Variants in PHLPP2 observed in about 807,000 individuals in gnomAD.
PHLPP2 encodes the protein PH domain leucine-rich repeat-containing protein phosphatase 2.
Under a neutral mutation model 124.9 loss-of-function variants are expected in PHLPP2, and 66 were observed. That is an observed-to-expected ratio of 0.53 (90% CI 0.43 to 0.65). PHLPP2 has a LOEUF of 0.65. PHLPP2 is among the 30% of genes least tolerant of loss of function. PHLPP2 has a pLI of 0.00. For synonymous variants in PHLPP2, 681 were observed against 624.7 expected (o/e 1.09, Z -1.34); for missense variants, 1,685 against 1,600.4 (o/e 1.05, Z -0.90).
intron 6 of PHLPP2, among the ~76,000 whole-genome samples, chr16:71,680,565 C>T (rs539893702): frequency 6.6e-6 from 1 of 152,262 alleles, no homozygotes; most frequent in South Asian, 2.1e-4. Context: ...TTACTAAGAA[C>T]TTTTTATGAG....
At chr16:71,711,898 T>C (rs2045326719) in intron 2 of PHLPP2, among the ~76,000 whole-genome samples, 1 of 152,244 alleles carries the variant, frequency 6.6e-6, no homozygotes, top group Admixed American at 6.5e-5. Context: ...GAAATAAGCA[T>C]GATTAAATAG....
At chr16:71,678,629 G>T (rs2044969045) in intron 8 of PHLPP2, 126 bp downstream of exon 8, 1 of 638,166 alleles carries the variant, frequency 1.6e-6, no homozygotes, top group Non-Finnish European at 2.8e-6. Context: ...GACAAAGTGA[G>T]ACCTTGTCTC....
In PHLPP2 at chr16:71,714,560, C is replaced by CCAG. The variant is rs767399618; in HGVS notation, c.233_235dup (p.Ala78dup). ...TAAATAAAGACTTTCTCTTCCCTCT[C>CCAG]CAGCACATATTTCTGATGCTGGTGT... is the stretch of plus-strand genomic sequence containing the variant. On this transcript the variant is annotated inframe_insertion, in exon 2 of 19. Transcript: ENST00000568954. 2.4e-5 allele frequency: 38 copies of CCAG among 1,614,048 alleles called. No homozygotes were observed. The highest frequency in any genetic ancestry group is 3.2e-5 in the Non-Finnish European group (38 of 1,179,948).
In PHLPP2 at chr16:71,663,905, G is replaced by A; in HGVS notation, c.1979C>T (p.Pro660Leu). 2.5e-6 allele frequency: 4 copies of A among 1,612,334 alleles called. No individual in the cohort carries two copies. The highest frequency in any genetic ancestry group is 2.2e-5 in the East Asian group (1 of 44,874). ...AAGTTTGCATTCATTTTACCTTGCA[G>A]GAAAGGTCTGTAACTGATTGTTTGC... ...HLANNQLQTF[P>L]ASKLNKLEQL... Residue 660 changes from proline to leucine, a missense_variant, in exon 13 of 19, where the codon CCT becomes CTT. Coordinates refer to ENST00000568954, the MANE Select transcript of PHLPP2 (RefSeq NM_015020.3).
intron 6 of PHLPP2, among the ~76,000 whole-genome samples, chr16:71,679,939 C>T (rs189301472): frequency 2.4e-3 from 372 of 152,066 alleles, no homozygotes; most frequent in African/African-American, 8.4e-3. Context: ...AAAAATTAGC[C>T]GGGCGTGGTG....
intron 18 of PHLPP2, among the ~76,000 whole-genome samples, chr16:71,651,561 A>AT (rs1455930575): frequency 6.6e-6 from 1 of 152,154 alleles, no homozygotes; most frequent in Non-Finnish European, 1.5e-5. Flanking sequence ...ATAACTAAAA[A>AT]TTTAAAACAC....
chr16:71,647,959 GA>G lies in PHLPP2; in HGVS notation c.*930del, dbSNP rs1477918918. 4 of 152,648 alleles carry G rather than the reference GA, an allele frequency of 2.6e-5. No individual in the cohort carries two copies. Among genetic ancestry groups the G allele is most frequent in the Non-Finnish European group, 5.9e-5 (4 of 68,048 alleles). 9.5% of individuals were successfully genotyped at this position (152,648 alleles called of 1,614,324 possible). ...GATGAAGGTGCCGGGCTGCCTCTAA[GA>G]AGATTGGCTCGAGTGCAGATTCAAA... On this transcript the variant is annotated 3_prime_UTR_variant, in exon 19 of 19. Transcript: ENST00000568954.
At chr16:71,679,917 C>T (rs1286002509) in intron 6 of PHLPP2, among the ~76,000 whole-genome samples, 1 of 152,018 alleles carries the variant, frequency 6.6e-6, no homozygotes, top group Non-Finnish European at 1.5e-5. Flanking sequence ...CCCATCTCTA[C>T]TAAAAAACAG....
intron 12 of PHLPP2, among the ~76,000 whole-genome samples, chr16:71,666,680 T>G (rs187573087): frequency 1.5e-3 from 236 of 152,336 alleles, no homozygotes; most frequent in African/African-American, 5.5e-3. Flanking sequence ...AATGACACCT[T>G]CTGGAAGGAC....
rs559592459 is a variant in PHLPP2, at chr16:71,644,944, A to G, written c.*3946T>C. 4 of 326,256 alleles carry G rather than the reference A, an allele frequency of 1.2e-5. No individual in the cohort carries two copies. Among genetic ancestry groups the G allele is most frequent in the African/African-American group, 2.2e-5 (1 of 44,794 alleles). 20.2% of individuals were successfully genotyped at this position (326,256 alleles called of 1,614,324 possible). A position where few individuals can be genotyped will look rare whatever the true frequency, so the allele number is the denominator to read the frequency against. On this transcript the variant is annotated 3_prime_UTR_variant, in exon 19 of 19. Transcript: ENST00000568954. ...CTCCATTTTAAAACAAAGCCATGAAAAAGATTCCACTTTATTTTATTTATT... is the reference window on the plus strand; with the variant it reads ...CTCCATTTTAAAACAAAGCCATGAAGAAGATTCCACTTTATTTTATTTATT...
intron 4 of PHLPP2, among the ~76,000 whole-genome samples, chr16:71,687,060 G>C (rs1263562359): frequency 6.6e-6 from 1 of 152,196 alleles, no homozygotes; most frequent in Non-Finnish European, 1.5e-5. Flanking sequence ...AAATGTTCCA[G>C]TTGCTCCGCA....
intron 3 of PHLPP2, among the ~76,000 whole-genome samples, chr16:71,696,018 T>C (rs2045166337): frequency 6.6e-6 from 1 of 152,168 alleles, no homozygotes; most frequent in South Asian, 2.1e-4. Flanking sequence ...TACACTTGTG[T>C]AGTTAAACAC....
rs2044670259 is a variant in PHLPP2, at chr16:71,648,671, C to G, written c.*219G>C. On this transcript the variant is annotated 3_prime_UTR_variant, in exon 19 of 19. Transcript: ENST00000568954. ...CCTGTAATCCCAGCTACTCGGGAGGCTGAGACAGGAGAATGGCTTGAACCC... is the reference window on the plus strand; with the variant it reads ...CCTGTAATCCCAGCTACTCGGGAGGGTGAGACAGGAGAATGGCTTGAACCC... 3 of 525,362 alleles carry G rather than the reference C, an allele frequency of 5.7e-6. No individual in the cohort carries two copies. Among genetic ancestry groups the G allele is most frequent in the African/African-American group, 1.9e-5 (1 of 52,926 alleles). The allele number at this position is 525,362 out of a possible 1,614,324, so 32.5% of individuals were successfully genotyped here. A position where few individuals can be genotyped will look rare whatever the true frequency, so the allele number is the denominator to read the frequency against.
intron 10 of PHLPP2, among the ~76,000 whole-genome samples, chr16:71,671,202 A>C (rs2044889741): frequency 6.6e-6 from 1 of 152,180 alleles, no homozygotes; most frequent in African/African-American, 2.4e-5. Flanking sequence ...AATGGAAGGG[A>C]ATCTAAAACA....
At chr16:71,686,670 T>C (rs1669463637) in intron 4 of PHLPP2, among the ~76,000 whole-genome samples, 1 of 152,338 alleles carries the variant, frequency 6.6e-6, no homozygotes. Context: ...GAATTTCATA[T>C]AAATTGAATA....
chr16:71,711,376 G>A (rs2145379891), intron 2 of PHLPP2, among the ~76,000 whole-genome samples: 1 of 151,686 alleles, frequency 6.6e-6, no homozygotes, highest in East Asian at 1.9e-4. Flanking sequence ...GTAGACAGGA[G>A]ACAGGATATA....
intron 1 of PHLPP2, among the ~76,000 whole-genome samples, chr16:71,717,987 C>G (rs1179657842): frequency 6.6e-6 from 1 of 152,146 alleles, no homozygotes; most frequent in South Asian, 2.1e-4. Flanking sequence ...GAACTCCTGA[C>G]CTCAAGTGAT....
At chr16:71,655,125 C>T (rs945903412) in intron 17 of PHLPP2, 115 bp downstream of exon 17, 7 of 718,900 alleles carry the variant, frequency 9.7e-6, no homozygotes, top group Middle Eastern at 3.9e-4. Context: ...AAGACAACAA[C>T]GTGAGTTCTC....
At chr16:71,676,313 G>C in intron 9 of PHLPP2, 134 bp downstream of exon 9, 1 of 649,524 alleles carries the variant, frequency 1.5e-6, no homozygotes, top group Non-Finnish European at 2.7e-6. Flanking sequence ...AAAGTGAAGA[G>C]ATAAAGCTTT....
Sources: allele counts gnomAD v4.1 joint callset (sites outside exome capture counted in the v4.1 genomes callset), GRCh38; gene constraint gnomAD v4.1.1; transcripts MANE v1.5; gene names NCBI Gene and HGNC (gene_info 2026-07-23, HGNC 2026-07-21).